The following KLHDC4 variants were observed in gnomAD, a reference collection of about 807,000 sequenced individuals.
KLHDC4 encodes the protein kelch domain containing 4.
Under a neutral mutation model 62.4 loss-of-function variants are expected in KLHDC4, and 90 were observed. That is an observed-to-expected ratio of 1.44 (90% CI 1.22 to 1.72). The LOEUF (loss-of-function observed/expected upper bound fraction) is 1.72. Among genes scored for constraint, KLHDC4 ranks in the 40% most tolerant of loss-of-function variants. The probability of loss-of-function intolerance (pLI) is 0.00; values close to 1 mark genes in which losing one functional copy is unlikely to be tolerated. For synonymous variants in KLHDC4, 386 were observed against 284.4 expected (o/e 1.36, Z -3.59); for missense variants, 1,025 against 699.7 (o/e 1.47, Z -5.25).
intron 5 of KLHDC4, among the ~76,000 whole-genome samples, chr16:87,734,987 C>T (rs958970712): frequency 5.9e-5 from 8 of 136,556 alleles, no homozygotes; most frequent in Admixed American, 1.5e-4. Flanking sequence ...CCCCTCCTGA[C>T]GAATTGCCTG....
intron 4 of KLHDC4, among the ~76,000 whole-genome samples, chr16:87,753,579 C>T (rs2044363697): frequency 1.3e-5 from 2 of 152,034 alleles, no homozygotes; most frequent in Admixed American, 1.3e-4. Context: ...GTGGGTGGAT[C>T]ACTTGAGGTC....
At chr16:87,727,121 G>A (rs567395817) in intron 6 of KLHDC4, among the ~76,000 whole-genome samples, 197 bp from the exon 7 acceptor site, 5 of 152,148 alleles carry the variant, frequency 3.3e-5, no homozygotes, top group Admixed American at 1.3e-4. Context: ...AGCCAGAGAC[G>A]CCAGTCAGGT....
At chr16:87,711,746 G>A (rs1036842581) in intron 8 of KLHDC4, among the ~76,000 whole-genome samples, 11 of 151,600 alleles carry the variant, frequency 7.3e-5, no homozygotes, top group Admixed American at 2.0e-4. Flanking sequence ...CAGCACACAC[G>A]CTAGACACAC....
intron 7 of KLHDC4, among the ~76,000 whole-genome samples, chr16:87,725,816 G>C (rs189882451): frequency 1.3e-5 from 2 of 152,284 alleles, no homozygotes; most frequent in Admixed American, 1.3e-4. Context: ...AGGAGGCTCC[G>C]GGGTGGGCGC....
chr16:87,749,013 G>A (rs1278134257), intron 4 of KLHDC4, among the ~76,000 whole-genome samples: 1 of 150,110 alleles, frequency 6.7e-6, no homozygotes, highest in Admixed American at 6.7e-5. Context: ...CCTCAGTCAA[G>A]GGTCTAATAA....
At chr16:87,726,198 ACCCCGCGCCTCGCCCGTCTCCCC>A in intron 7 of KLHDC4, among the ~76,000 whole-genome samples, 1 of 148,762 alleles carries the variant, frequency 6.7e-6, no homozygotes, top group African/African-American at 2.5e-5. Flanking sequence ...CCGTCTCCCC[ACCCCGCGCCTCGCCCGTCTCCCC>A]ACGCCGCGCC....
intron 10 of KLHDC4, chr16:87,708,689 A>T (rs1038950305): frequency 3.4e-5 from 14 of 410,088 alleles, no homozygotes; most frequent in African/African-American, 2.8e-4. Flanking sequence ...ATGCAAAAGC[A>T]CCCCCATAAC....
At chr16:87,727,314 T>C (rs1303527846) in intron 6 of KLHDC4, among the ~76,000 whole-genome samples, 1 of 152,188 alleles carries the variant, frequency 6.6e-6, no homozygotes, top group Non-Finnish European at 1.5e-5. Flanking sequence ...TGCGTTTTCT[T>C]ACACAGTTAA....
At chr16:87,736,881 T>C (rs1038047215) in intron 5 of KLHDC4, among the ~76,000 whole-genome samples, 2 of 151,842 alleles carry the variant, frequency 1.3e-5, no homozygotes, top group African/African-American at 2.4e-5. Context: ...TCCCAGTACT[T>C]TGGGAGGCCG....
intron 4 of KLHDC4, among the ~76,000 whole-genome samples, chr16:87,754,678 C>T (rs530717873): frequency 6.6e-6 from 1 of 152,318 alleles, no homozygotes; most frequent in Non-Finnish European, 1.5e-5. Context: ...CCTCACAGAG[C>T]TTACAGAACG....
intron 1 of KLHDC4, among the ~76,000 whole-genome samples, 181 bp downstream of exon 1, chr16:87,765,611 A>C (rs2046539080): frequency 2.0e-5 from 3 of 151,846 alleles, no homozygotes; most frequent in South Asian, 4.2e-4. Flanking sequence ...GAGACTCAGG[A>C]GGGGGCGGGC....
chr16:87,714,402 CTCA>C, intron 8 of KLHDC4, 93 bp downstream of exon 8: 2 of 1,164,276 alleles, frequency 1.7e-6, no homozygotes, highest in Non-Finnish European at 2.2e-6. Flanking sequence ...GGTGCAGGGG[CTCA>C]CCGCCAGCCC....
intron 8 of KLHDC4, 83 bp from the exon 9 acceptor site, chr16:87,711,526 G>T: frequency 8.2e-7 from 1 of 1,214,844 alleles, no homozygotes; most frequent in Non-Finnish European, 1.1e-6. Context: ...AGGACCCCAG[G>T]TGCCCCCCAG....
Position 87,755,306 on chromosome 16 carries a change from G to A in KLHDC4, c.271-14C>T. 7 of 1,417,074 alleles carry A rather than the reference G, an allele frequency of 4.9e-6. No homozygotes were observed. Among genetic ancestry groups the A allele is most frequent in the Non-Finnish European group, 6.0e-6 (6 of 1,001,992 alleles). 87.8% of individuals were successfully genotyped at this position (1,417,074 alleles called of 1,614,324 possible). A position where few individuals can be genotyped will look rare whatever the true frequency, so the allele number is the denominator to read the frequency against. ...ATACAAAAAAGTCTACAGGAAGGAA[G>A]AAGAATGTCAGTGTCACAAATGATA... On this transcript the variant is annotated splice_polypyrimidine_tract_variant and intron_variant, in intron 3 of 11. Transcript: ENST00000270583.
intron 5 of KLHDC4, among the ~76,000 whole-genome samples, chr16:87,737,298 T>G (rs1000684641): frequency 2.0e-5 from 3 of 149,140 alleles, no homozygotes; most frequent in African/African-American, 7.4e-5. Context: ...CAAAAACCAC[T>G]TACCCTAGGC....
chr16:87,723,824 G>A (rs2038872821), intron 7 of KLHDC4, among the ~76,000 whole-genome samples: 1 of 152,222 alleles, frequency 6.6e-6, no homozygotes, highest in South Asian at 2.1e-4. Context: ...ATTCAATGGA[G>A]AATAAAAAGC....
In KLHDC4 at chr16:87,732,633, G is replaced by C. The variant is rs143383261; in HGVS notation, c.507-1989C>G. ...ATCAAAGAATTTCAAATAAAGCAGA[G>C]ATACCATTTTATTCTATCAACTTGA... On this transcript the variant is annotated intron_variant, in intron 5 of 11. Transcript: ENST00000270583. Among the ~76,000 whole-genome samples, 3 of 152,284 alleles carry C rather than the reference G, an allele frequency of 2.0e-5. No individual in the cohort carries two copies. The East Asian group carries it at 5.8e-4, about 29-fold the overall frequency.
chr16:87,764,999 C>T (rs570236149), intron 1 of KLHDC4: 2 of 405,844 alleles, frequency 4.9e-6, no homozygotes, highest in Admixed American at 5.4e-5. Flanking sequence ...ATCCCAGTTC[C>T]ATACCACTTC....
Position 87,748,612 on chromosome 16 carries a change from G to A in KLHDC4, c.506+61C>T, listed in dbSNP as rs756608040. 132 of 1,602,468 alleles carry A rather than the reference G, an allele frequency of 8.2e-5. No homozygotes were observed. The Middle Eastern group carries it at 1.2e-3, about 14-fold the overall frequency. On this transcript the variant is annotated intron_variant, in intron 5 of 11. Transcript: ENST00000270583. ...TCTGAGGTCTGCTCCGAGCACTCGG[G>A]CTCAGCACACAAGCACAGAAGAGCC...
Sources: gnomAD v4.1 joint callset for allele counts (sites outside exome capture counted in the v4.1 genomes callset) on GRCh38, gnomAD v4.1.1 for gene constraint, MANE v1.5 for transcripts, NCBI Gene and HGNC (gene_info 2026-07-23, HGNC 2026-07-21) for gene names.